The following RBFOX1 variants were observed in gnomAD, a reference collection of about 807,000 sequenced individuals.
RBFOX1 encodes the protein RNA binding protein fox-1 homolog 1.
In RBFOX1, 8 loss-of-function variants were observed where a neutral mutation model predicts 57.7. That is an observed-to-expected ratio of 0.14 (90% CI 0.08 to 0.25). RBFOX1 has a LOEUF of 0.25. Ranked by LOEUF, RBFOX1 falls within the 10% of genes least tolerant of loss-of-function variation. The pLI is 1.00. For synonymous variants in RBFOX1, 326 were observed against 222.4 expected, an observed-to-expected ratio of 1.47 and a Z score of -4.15; for missense variants, 611 against 548.5, an observed-to-expected ratio of 1.11 and a Z score of -1.14.
At chr16:5,927,937 A>T (rs1258645188) in intron 4 of RBFOX1, among the ~76,000 whole-genome samples, 1 of 152,174 alleles carries the variant, frequency 6.6e-6, no homozygotes, top group African/African-American at 2.4e-5. Flanking sequence ...TGGTTACCAG[A>T]GGCTGGGGCA....
intron 1 of RBFOX1, among the ~76,000 whole-genome samples, chr16:6,022,877 G>A (rs187797737): frequency 6.6e-6 from 1 of 152,110 alleles, no homozygotes; most frequent in Non-Finnish European, 1.5e-5. Flanking sequence ...AACACAACAT[G>A]GGCTGTACCC....
intron 1 of RBFOX1, among the ~76,000 whole-genome samples, chr16:6,024,719 G>T (rs2095152907): frequency 6.6e-6 from 1 of 152,138 alleles, no homozygotes; most frequent in Non-Finnish European, 1.5e-5. Flanking sequence ...GACCTCAAGT[G>T]ATCCACCCGC....
chr16:5,335,095 C>T (rs1161680312), intron 1 of RBFOX1, among the ~76,000 whole-genome samples: 2 of 152,090 alleles, frequency 1.3e-5, no homozygotes, highest in Admixed American at 1.3e-4. Flanking sequence ...GTTTGTGGTG[C>T]CTCTTCCTTC....
chr16:5,279,865 G>C (rs1010499253), intron 1 of RBFOX1, among the ~76,000 whole-genome samples: 8 of 152,270 alleles, frequency 5.3e-5, no homozygotes, highest in African/African-American at 1.9e-4. Context: ...ACGAGTATAA[G>C]ATTATGTCAT....
chr16:6,868,620 C>T (rs1007508516), intron 3 of RBFOX1, among the ~76,000 whole-genome samples: 2 of 152,014 alleles, frequency 1.3e-5, no homozygotes, highest in Non-Finnish European at 2.9e-5. Flanking sequence ...TATAGGCACA[C>T]ACCACCACGC....
At chr16:7,290,098 G>A (rs1016035308) in intron 4 of RBFOX1, among the ~76,000 whole-genome samples, 1 of 152,144 alleles carries the variant, frequency 6.6e-6, no homozygotes, top group African/African-American at 2.4e-5. Context: ...ATTTACACCG[G>A]TAGAAACCAT....
At chr16:6,688,389 T>G (rs1358344895) in intron 3 of RBFOX1, among the ~76,000 whole-genome samples, 1 of 152,160 alleles carries the variant, frequency 6.6e-6, no homozygotes, top group Non-Finnish European at 1.5e-5. Context: ...ACAGTGAGGA[T>G]TACAATTGGG....
At chr16:5,974,549 G>A (rs2060024543) in intron 4 of RBFOX1, among the ~76,000 whole-genome samples, 1 of 152,194 alleles carries the variant, frequency 6.6e-6, no homozygotes, top group Non-Finnish European at 1.5e-5. Context: ...GGCGGAGGTT[G>A]CAGTGAGCTG....
intron 2 of RBFOX1, among the ~76,000 whole-genome samples, chr16:6,386,989 G>A (rs531309220): frequency 2.6e-5 from 4 of 152,260 alleles, no homozygotes; most frequent in South Asian, 4.1e-4. Flanking sequence ...CAAAGATGAA[G>A]CTCAGAGAGT....
intron 2 of RBFOX1, among the ~76,000 whole-genome samples, chr16:5,544,876 T>G (rs553822619): frequency 2.1e-3 from 316 of 149,472 alleles, no homozygotes; most frequent in Admixed American, 4.7e-3. Flanking sequence ...TATATCAAGT[T>G]TTAGAGATTG....
chr16:7,158,881 GT>G (rs2077700562), intron 4 of RBFOX1, among the ~76,000 whole-genome samples: 1 of 152,036 alleles, frequency 6.6e-6, no homozygotes, highest in African/African-American at 2.4e-5. Context: ...TCTGTGGTGT[GT>G]CTTTGCACAC....
intron 3 of RBFOX1, among the ~76,000 whole-genome samples, chr16:6,986,928 C>T (rs1333438756): frequency 1.3e-5 from 2 of 152,154 alleles, no homozygotes; most frequent in Admixed American, 6.5e-5. Context: ...ACCCCTTGCT[C>T]ACCTGCCCAC....
chr16:5,602,406 A>C (rs1054432953), downstream of RBFOX1, among the ~76,000 whole-genome samples: 1 of 152,216 alleles, frequency 6.6e-6, no homozygotes, highest in Non-Finnish European at 1.5e-5. Context: ...TGTACCCTCA[A>C]TATCCCTCAG....
chr16:6,745,413 C>G (rs933341558), intron 3 of RBFOX1, among the ~76,000 whole-genome samples: 6 of 151,988 alleles, frequency 3.9e-5, no homozygotes, highest in African/African-American at 1.4e-4. Context: ...AAACAACAAG[C>G]AAATGAAATC....
chr16:6,722,517 T>C, intron 3 of RBFOX1, among the ~76,000 whole-genome samples: 1 of 21,000 alleles, frequency 4.8e-5, no homozygotes, highest in African/African-American at 5.7e-5. Context: ...GATAAATACT[T>C]GGCATTTTGC....
intron 1 of RBFOX1, among the ~76,000 whole-genome samples, chr16:6,242,630 ACACACACACACACAC>A (rs1567756300): frequency 2.9e-4 from 10 of 35,044 alleles, no homozygotes; most frequent in African/African-American, 1.2e-3. Flanking sequence ...TTTATTGCAA[ACACACACACACACAC>A]ACACACACAC....
intron 4 of RBFOX1, among the ~76,000 whole-genome samples, chr16:5,869,015 A>G (rs928408331): frequency 3.9e-5 from 6 of 152,168 alleles, no homozygotes; most frequent in Non-Finnish European, 7.3e-5. Context: ...TCCCTATTTC[A>G]CAGAAGAGTG....
intron 2 of RBFOX1, among the ~76,000 whole-genome samples, chr16:6,448,594 C>T (rs765274132): frequency 1.3e-5 from 2 of 152,158 alleles, no homozygotes; most frequent in Admixed American, 1.3e-4. Context: ...GCAGTTGTGA[C>T]AACCAAAAAA....
Position 6,526,811 on chromosome 16 carries a change from CAG to C in RBFOX1, c.-63-127789_-63-127788del, listed in dbSNP as rs560093870. On this transcript the variant is annotated intron_variant, in intron 2 of 15. Coordinates refer to ENST00000550418, the MANE Select transcript of RBFOX1 (RefSeq NM_018723.4). ...CACTACCACACTCCACCCTTGGCAA[CAG>C]AGCGAGACTCTGTCTCAAAAAAAAA... Among the ~76,000 whole-genome samples the C allele has an allele frequency of 2.2e-4, 23 of 106,170 alleles. No individual in the cohort carries two copies. In the East Asian group the frequency reaches 6.7e-3, roughly 31 times the overall value. 69.7% of individuals were successfully genotyped at this position (106,170 alleles called of 152,430 possible). A position where few individuals can be genotyped will look rare whatever the true frequency, so the allele number is the denominator to read the frequency against.
Sources: gnomAD v4.1 joint callset for allele counts (sites outside exome capture counted in the v4.1 genomes callset) on GRCh38, gnomAD v4.1.1 for gene constraint, MANE v1.5 for transcripts, NCBI Gene and HGNC (gene_info 2026-07-23, HGNC 2026-07-21) for gene names.